KHDRBS2: variants seen among roughly 807,000 people sequenced by gnomAD.
The protein encoded by KHDRBS2 is KH RNA binding domain containing, signal transduction associated 2.
In KHDRBS2, 26 loss-of-function variants were observed where a neutral mutation model predicts 44.3. The ratio of observed to expected loss-of-function variants is 0.59; its 90% CI spans 0.43 to 0.81. KHDRBS2 has a LOEUF of 0.81. KHDRBS2 is among the 40% of genes least tolerant of loss of function. The pLI is 0.00. For missense variants in KHDRBS2, 476 were observed against 433.1 expected (o/e 1.10, Z -0.88); for synonymous variants, 194 against 151.1 (o/e 1.28, Z -2.08).
intron 6 of KHDRBS2, among the ~76,000 whole-genome samples, chr6:61,772,169 A>C (rs1053887261): frequency 3.3e-5 from 5 of 152,214 alleles, no homozygotes; most frequent in African/African-American, 9.6e-5. Context: ...CATTGAAAGC[A>C]TTGTGTAGAG....
chr6:62,020,088 G>A (rs1781976027), intron 3 of KHDRBS2, among the ~76,000 whole-genome samples: 1 of 151,654 alleles, frequency 6.6e-6, no homozygotes, highest in Admixed American at 6.6e-5. Context: ...TGATTTAGTG[G>A]CATTTATTGT....
intron 6 of KHDRBS2, among the ~76,000 whole-genome samples, chr6:61,739,008 T>C (rs1362678805): frequency 6.6e-6 from 1 of 151,802 alleles, no homozygotes; most frequent in Non-Finnish European, 1.5e-5. Context: ...TAATTGCCTC[T>C]CCAAAAAATT....
intron 4 of KHDRBS2, among the ~76,000 whole-genome samples, chr6:61,909,144 A>G (rs567529020): frequency 7.3e-5 from 11 of 150,928 alleles, no homozygotes; most frequent in African/African-American, 1.5e-4. Context: ...TCAGCTCACT[A>G]CAAACTCCAC....
chr6:61,848,511 G>GTATATATATATATATA (rs1178845054), intron 6 of KHDRBS2, among the ~76,000 whole-genome samples: 1 of 30,074 alleles, frequency 3.3e-5, no homozygotes, highest in African/African-American at 1.9e-4. Flanking sequence ...ATATATATAT[G>GTATATATATATATATA]TATATATGTA....
At chr6:61,726,716 G>A (rs1773630849) in intron 7 of KHDRBS2, among the ~76,000 whole-genome samples, 1 of 152,062 alleles carries the variant, frequency 6.6e-6, no homozygotes, top group African/African-American at 2.4e-5. Flanking sequence ...AGCTAGCAAG[G>A]GAAGTGACGG....
chr6:62,070,128 A>C (rs1014439743), intron 2 of KHDRBS2, among the ~76,000 whole-genome samples: 28 of 151,786 alleles, frequency 1.8e-4, no homozygotes, highest in Admixed American at 1.8e-3. Context: ...TACAGAAGTT[A>C]AACCTATTTG....
the KHDRBS2 span, among the ~76,000 whole-genome samples, chr6:61,620,269 C>T: frequency 6.6e-6 from 1 of 151,810 alleles, no homozygotes; most frequent in Non-Finnish European, 1.5e-5. Context: ...CTTAATCTAC[C>T]AGTGACCTTT....
intron 2 of KHDRBS2, among the ~76,000 whole-genome samples, chr6:62,055,295 G>A (rs1414431957): frequency 2.0e-5 from 3 of 151,948 alleles, no homozygotes; most frequent in Non-Finnish European, 4.4e-5. Flanking sequence ...ATGTGTCATT[G>A]AAGGAGGAAT....
chr6:61,937,748 T>C (rs557266492), intron 4 of KHDRBS2, among the ~76,000 whole-genome samples: 1 of 152,202 alleles, frequency 6.6e-6, no homozygotes, highest in South Asian at 2.1e-4. Context: ...AACTCTTAGA[T>C]ACAAGAAGCC....
chr6:62,174,226 T>C (rs1261905704), intron 2 of KHDRBS2, among the ~76,000 whole-genome samples: 1 of 151,680 alleles, frequency 6.6e-6, no homozygotes, highest in Non-Finnish European at 1.5e-5. Flanking sequence ...GGATACAAAA[T>C]CAATGTACAA....
At chr6:61,572,340 A>G in the KHDRBS2 span, among the ~76,000 whole-genome samples, 2 of 152,130 alleles carry the variant, frequency 1.3e-5, no homozygotes, top group Middle Eastern at 3.2e-3. Context: ...ACAATTGCCA[A>G]CAAATAAAAG....
chr6:62,235,330 T>C (rs1833540046), intron 1 of KHDRBS2, among the ~76,000 whole-genome samples: 1 of 152,022 alleles, frequency 6.6e-6, no homozygotes, highest in Non-Finnish European at 1.5e-5. Flanking sequence ...CAAATGCTCC[T>C]AGATAGACAC....
intron 4 of KHDRBS2, among the ~76,000 whole-genome samples, chr6:61,945,148 T>TACACAC (rs1227455840): frequency 2.9e-4 from 21 of 71,422 alleles, no homozygotes; most frequent in African/African-American, 7.8e-4. Context: ...TATATATATA[T>TACACAC]ATACACACAG....
the KHDRBS2 span, among the ~76,000 whole-genome samples, chr6:61,549,835 T>G: frequency 6.6e-6 from 1 of 152,182 alleles, no homozygotes; most frequent in Admixed American, 6.5e-5. Context: ...ATCAATGAAC[T>G]TTTTGTATTG....
At chr6:61,857,208 G>C (rs550522796) in intron 6 of KHDRBS2, among the ~76,000 whole-genome samples, 2 of 152,008 alleles carry the variant, frequency 1.3e-5, no homozygotes, top group South Asian at 4.2e-4. Flanking sequence ...TATTTCATCA[G>C]TAAATGGGAA....
chr6:61,774,643 A>T (rs1781625546), intron 6 of KHDRBS2, among the ~76,000 whole-genome samples: 1 of 152,170 alleles, frequency 6.6e-6, no homozygotes, highest in African/African-American at 2.4e-5. Flanking sequence ...AAATTGAGGC[A>T]ATAATCAATA....
At chr6:61,548,866 C>T in the KHDRBS2 span, among the ~76,000 whole-genome samples, 1 of 152,150 alleles carries the variant, frequency 6.6e-6, no homozygotes, top group East Asian at 1.9e-4. Context: ...TGGAGTTGGC[C>T]ACTACCACTC....
At chr6:62,200,301 T>C (rs560757700) in intron 1 of KHDRBS2, among the ~76,000 whole-genome samples, 5 of 152,140 alleles carry the variant, frequency 3.3e-5, no homozygotes, top group East Asian at 1.9e-4. Flanking sequence ...AACAGGCAAC[T>C]GACAGAATGG....
At chr6:61,850,118 C>T (rs1339349700) in intron 6 of KHDRBS2, among the ~76,000 whole-genome samples, 1 of 152,020 alleles carries the variant, frequency 6.6e-6, no homozygotes, top group Non-Finnish European at 1.5e-5. Context: ...TTTGGATTAC[C>T]TTTCAGAGCT....
Sources: gnomAD v4.1 joint callset for allele counts (sites outside exome capture counted in the v4.1 genomes callset) on GRCh38, gnomAD v4.1.1 for gene constraint, MANE v1.5 for transcripts, NCBI Gene and HGNC (gene_info 2026-07-23, HGNC 2026-07-21) for gene names.